Variants in MAP3K4 observed in about 807,000 individuals in gnomAD.
MAP3K4 encodes the protein MAP three kinase 1.
A neutral mutation model predicts 185.6 loss-of-function variants in MAP3K4; 67 were observed. That is an observed-to-expected ratio of 0.36 (90% CI 0.30 to 0.44). MAP3K4 has a LOEUF of 0.44. Among genes scored for constraint, MAP3K4 ranks in the 20% least tolerant of loss-of-function variants. MAP3K4 has a pLI of 1.00. For synonymous variants in MAP3K4, 702 were observed against 710.4 expected, an observed-to-expected ratio of 0.99 and a Z score of 0.19; for missense variants, 1,551 against 1,995.1, an observed-to-expected ratio of 0.78 and a Z score of 4.24.
In MAP3K4 at chr6:161,097,497, A is replaced by G. The variant is rs150564998; in HGVS notation, c.3524+321A>G. The stretch of plus-strand genomic sequence containing the variant: ...AATAACCTTCAGAAAACAAATTTGA[A>G]TATGGATAGTGTAGTCAACATTTGA... On this transcript the variant is annotated intron_variant, in intron 16 of 26. Coordinates refer to ENST00000392142, the MANE Select transcript of MAP3K4 (RefSeq NM_005922.4). The surrounding 1 kb of genome is among the most constrained non-coding windows in gnomAD (Gnocchi z 4.9). Among the ~76,000 whole-genome samples, 2 of 152,330 alleles carry G rather than the reference A, an allele frequency of 1.3e-5. No individual in the cohort carries two copies. Among genetic ancestry groups the G allele is most frequent in the East Asian group, 3.9e-4 (2 of 5,182 alleles).
At position 161,111,894 on chromosome 6, in the gene MAP3K4, A is replaced by C; in HGVS notation, c.4455A>C (p.Ser1485=). 4 of 1,614,168 alleles carry C rather than the reference A, an allele frequency of 2.5e-6. No homozygotes were observed. Among genetic ancestry groups the C allele is most frequent in the Non-Finnish European group, 3.4e-6 (4 of 1,180,010 alleles). Reference sequence around the variant, plus strand: ...TCAAACTGGGAGATTTTGGATGTTCAGTAAAGCTCAAAAACAATGCCCAGA... The same window carrying C: ...TCAAACTGGGAGATTTTGGATGTTCCGTAAAGCTCAAAAACAATGCCCAGA... The part of the protein sequence containing the change: ...GLIKLGDFGC[S]VKLKNNAQTM... Residue 1485 remains serine (S), a synonymous_variant, in exon 24 of 27, where the codon TCA becomes TCC. Coordinates refer to ENST00000392142, the MANE Select transcript of MAP3K4 (RefSeq NM_005922.4).
chr6:161,065,761 A>G (rs1185456978), intron 3 of MAP3K4, among the ~76,000 whole-genome samples: 1 of 152,110 alleles, frequency 6.6e-6, no homozygotes, highest in East Asian at 1.9e-4. Context: ...ACACAGTGAA[A>G]CCCCGTCTCT....
rs928332650 is a variant in MAP3K4, at chr6:161,073,403, A to G, written c.1951-63A>G. 2 of 1,463,260 alleles carry G rather than the reference A, an allele frequency of 1.4e-6. No individual in the cohort carries two copies. The highest frequency in any genetic ancestry group is 9.1e-7 in the Non-Finnish European group (1 of 1,101,092). The allele number at this position is 1,463,260 out of a possible 1,614,324, so 90.6% of individuals were successfully genotyped here. ...TTTTTGAAGATTTAAGTAGGAAGATATAAAACACGGATCGTCTGGTTGGAG... is the reference window on the plus strand; with the variant it reads ...TTTTTGAAGATTTAAGTAGGAAGATGTAAAACACGGATCGTCTGGTTGGAG... On this transcript the variant is annotated intron_variant, in intron 4 of 26. Transcript: ENST00000392142. This position sits in a 1 kb window ranked among gnomAD's most constrained non-coding sequence, Gnocchi z 4.2.
chr6:161,072,887 C>T (rs948015037), intron 4 of MAP3K4, among the ~76,000 whole-genome samples: 2 of 152,018 alleles, frequency 1.3e-5, no homozygotes, highest in African/African-American at 4.8e-5. Flanking sequence ...CAAATTTGCC[C>T]ATTTTTTGTT....
intron 2 of MAP3K4, among the ~76,000 whole-genome samples, chr6:161,039,279 C>CAAAAAAAAAAAAAAAAAAAA (rs3050259): frequency 1.4e-5 from 1 of 71,948 alleles, no homozygotes; most frequent in African/African-American, 4.9e-5. Context: ...CGCAAAAATG[C>CAAAAAAAAAAAAAAAAAAAA]AAAAAAAAAA....
At chr6:161,039,488 G>A (rs1442120611) in intron 2 of MAP3K4, among the ~76,000 whole-genome samples, 1 of 152,116 alleles carries the variant, frequency 6.6e-6, no homozygotes, top group African/African-American at 2.4e-5. Flanking sequence ...CTATTGTCAT[G>A]TATTTGTTTT....
intron 2 of MAP3K4, among the ~76,000 whole-genome samples, chr6:161,041,973 G>A (rs1311540060): frequency 7.5e-6 from 1 of 133,004 alleles, no homozygotes; most frequent in East Asian, 2.5e-4. Context: ...GCCCAGACTG[G>A]CCCGGAACCT....
chr6:160,991,772 C>G lies in MAP3K4; in HGVS notation c.-160C>G, dbSNP rs1780700530. 2.6e-6 allele frequency: 2 copies of G among 774,384 alleles called. No homozygotes were observed. Among genetic ancestry groups the G allele is most frequent in the Non-Finnish European group, 3.7e-6 (2 of 542,994 alleles). The allele number at this position is 774,384 out of a possible 1,614,324, so 48.0% of individuals were successfully genotyped here. On this transcript the variant is annotated 5_prime_UTR_variant, in exon 1 of 27. Coordinates refer to ENST00000392142, the MANE Select transcript of MAP3K4 (RefSeq NM_005922.4). The surrounding 1 kb of genome is among the most constrained non-coding windows in gnomAD (Gnocchi z 5.7). ...CGCCGCCCACCGTAGCCCCGGCGCTCGGCCGGTCGCCGTTTCCAAGATGGC... is the reference window on the plus strand; with the variant it reads ...CGCCGCCCACCGTAGCCCCGGCGCTGGGCCGGTCGCCGTTTCCAAGATGGC...
intron 1 of MAP3K4, among the ~76,000 whole-genome samples, chr6:161,014,060 A>G (rs1781970675): frequency 6.6e-6 from 1 of 152,210 alleles, no homozygotes; most frequent in African/African-American, 2.4e-5. Flanking sequence ...TGTATTTTGT[A>G]TATCACATAG....
intron 1 of MAP3K4, among the ~76,000 whole-genome samples, chr6:161,000,809 A>ACACATGTG (rs1443569383): frequency 6.4e-5 from 9 of 141,200 alleles, no homozygotes; most frequent in African/African-American, 2.7e-4. Flanking sequence ...GTACACCCAT[A>ACACATGTG]TATACACACA....
chr6:161,036,182 A>G lies in MAP3K4; in HGVS notation c.343+1733A>G, dbSNP rs146539042. On this transcript the variant is annotated intron_variant, in intron 2 of 26. Coordinates refer to ENST00000392142, the MANE Select transcript of MAP3K4 (RefSeq NM_005922.4). ...AAAGGATTGGCCCTTTTCTTCCACAATTTTTAAAATTGTTTATTTTATGAA... is the reference window on the plus strand; with the variant it reads ...AAAGGATTGGCCCTTTTCTTCCACAGTTTTTAAAATTGTTTATTTTATGAA... 4.6e-5 allele frequency among the ~76,000 whole-genome samples: 7 copies of G among 152,284 alleles called. No homozygotes were observed. The East Asian group carries it at 1.2e-3, about 25-fold the overall frequency.
rs1784631896 is a variant in MAP3K4 at position 161,064,822 on chromosome 6, G to A, written c.1708-5786G>A. Among the ~76,000 whole-genome samples the A allele has an allele frequency of 6.6e-6, 1 of 152,274 alleles. No individual in the cohort carries two copies. The highest frequency in any genetic ancestry group is 2.1e-4 in the South Asian group (1 of 4,822). ...TTTTATTACTTGCAGGTTCTGGAGG[G>A]TACACGGCACGCCTACAGGCCGCTC... On this transcript the variant is annotated intron_variant, in intron 3 of 26. Transcript: ENST00000392142. This position sits in a 1 kb window ranked among gnomAD's most constrained non-coding sequence, Gnocchi z 4.3.
At chr6:161,104,415 C>CAAA (rs869113836) in intron 19 of MAP3K4, among the ~76,000 whole-genome samples, 619 of 58,320 alleles carry the variant, frequency 0.011, 5 homozygotes, top group Middle Eastern at 0.057. Flanking sequence ...ACTCCGTTTC[C>CAAA]AAAAAAAAAA....
rs1243723969 is a variant in MAP3K4 at position 161,075,988 on chromosome 6, T to C, written c.2097+2376T>C. On this transcript the variant is annotated intron_variant, in intron 5 of 26. Transcript: ENST00000392142. The surrounding 1 kb of genome is among the most constrained non-coding windows in gnomAD (Gnocchi z 4.3). The stretch of plus-strand genomic sequence containing the variant: ...AATTGAATTGGCAGTCAAATTATGT[T>C]TAACACCCTTGTCTGGAAACCCACC... Among the ~76,000 whole-genome samples, 1 of 152,078 alleles carries C rather than the reference T, an allele frequency of 6.6e-6. No homozygotes were observed. Among genetic ancestry groups the C allele is most frequent in the East Asian group, 1.9e-4 (1 of 5,184 alleles).
chr6:161,024,939 C>G (rs575305492), intron 1 of MAP3K4, among the ~76,000 whole-genome samples: 18 of 152,160 alleles, frequency 1.2e-4, no homozygotes, highest in African/African-American at 4.3e-4. Flanking sequence ...ATGTATGTAC[C>G]TGCCTGTCTG....
Position 161,106,137 on chromosome 6 carries a change from C to T in MAP3K4, c.3857-377C>T, listed in dbSNP as rs1253625037. On this transcript the variant is annotated intron_variant, in intron 19 of 26. Transcript: ENST00000392142. The surrounding 1 kb of genome is among the most constrained non-coding windows in gnomAD (Gnocchi z 4.9). Reference sequence around the variant, plus strand: ...AAGAATGAGTCACTGCTCCAGGCCTCGTGAATTAAATTTATGTAGGACAGT... The same window carrying T: ...AAGAATGAGTCACTGCTCCAGGCCTTGTGAATTAAATTTATGTAGGACAGT... Among the ~76,000 whole-genome samples, 2 of 152,026 alleles carry T rather than the reference C, an allele frequency of 1.3e-5. No individual in the cohort carries two copies. The highest frequency in any genetic ancestry group is 2.9e-5 in the Non-Finnish European group (2 of 67,968).
rs1464187966 is a variant in MAP3K4, at chr6:161,053,129, T to C, written c.1707+3150T>C. On this transcript the variant is annotated intron_variant, in intron 3 of 26. Coordinates refer to ENST00000392142, the MANE Select transcript of MAP3K4 (RefSeq NM_005922.4). This position sits in a 1 kb window ranked among gnomAD's most constrained non-coding sequence, Gnocchi z 4.2. ...TGTATAGGAAGCATGGCAGGCAACA[T>C]CAGCTTCTGGGGAGGCCTCAGGGAG... Among the ~76,000 whole-genome samples, 1 of 152,166 alleles carries C rather than the reference T, an allele frequency of 6.6e-6. No homozygotes were observed. The highest frequency in any genetic ancestry group is 1.5e-5 in the Non-Finnish European group (1 of 68,018).
rs566193655 is a variant in MAP3K4, at chr6:161,009,878, G to A, written c.152+17795G>A. On this transcript the variant is annotated intron_variant, in intron 1 of 26. Coordinates refer to ENST00000392142, the MANE Select transcript of MAP3K4 (RefSeq NM_005922.4). ...GGGCCTGTCGGGGGAAGGAGGTGGC[G>A]GGGAAGAGCACTAGGGAATAGAGCT... 5.9e-5 allele frequency among the ~76,000 whole-genome samples: 9 copies of A among 152,168 alleles called. No individual in the cohort carries two copies. In the East Asian group the frequency reaches 1.4e-3, roughly 23 times the overall value.
At chr6:161,104,868 C>T (rs1260632698) in intron 19 of MAP3K4, among the ~76,000 whole-genome samples, 4 of 151,956 alleles carry the variant, frequency 2.6e-5, no homozygotes, top group African/African-American at 4.8e-5. Flanking sequence ...AACTTGGATC[C>T]GTATTTTAAA....
Sources: allele counts gnomAD v4.1 joint callset (sites outside exome capture counted in the v4.1 genomes callset), GRCh38; gene constraint gnomAD v4.1.1; non-coding constraint Gnocchi (gnomAD v3.1); transcripts MANE v1.5; gene names NCBI Gene and HGNC (gene_info 2026-07-23, HGNC 2026-07-21).